Variants in XRCC4 observed in about 807,000 individuals in gnomAD.
The protein encoded by XRCC4 is DNA repair protein XRCC4.
Under a neutral mutation model 39.1 loss-of-function variants are expected in XRCC4, and 28 were observed. The ratio of observed to expected loss-of-function variants is 0.72; its 90% confidence interval spans 0.53 to 0.98. The LOEUF is 0.98. Ranked by LOEUF, XRCC4 falls within the 50% of genes least tolerant of loss-of-function variation. The pLI is 0.00. For missense variants in XRCC4, 350 were observed against 376.4 expected (o/e 0.93, Z 0.58); for synonymous variants, 123 against 126.4 (o/e 0.97, Z 0.18).
chr5:83,270,085 G>A (rs1754087250), intron 7 of XRCC4, among the ~76,000 whole-genome samples: 1 of 152,174 alleles, frequency 6.6e-6, no homozygotes, highest in Non-Finnish European at 1.5e-5. Flanking sequence ...ATTCTCATAA[G>A]GAGCACACAA....
intron 3 of XRCC4, among the ~76,000 whole-genome samples, chr5:83,119,973 A>G (rs573877872): frequency 6.7e-6 from 1 of 149,834 alleles, no homozygotes; most frequent in Non-Finnish European, 1.5e-5. Context: ...CCTGGGTGAC[A>G]GAGACAGAGT....
At chr5:83,080,747 T>G (rs1744901816) in intron 1 of XRCC4, among the ~76,000 whole-genome samples, 1 of 152,158 alleles carries the variant, frequency 6.6e-6, no homozygotes, top group Non-Finnish European at 1.5e-5. Context: ...GGAATACTTA[T>G]TTTACTTAAT....
At chr5:83,352,047 C>A (rs16900353) in intron 7 of XRCC4, among the ~76,000 whole-genome samples, 5,344 of 152,096 alleles carry the variant, frequency 0.035, 169 homozygotes, top group East Asian at 0.14. Context: ...ATCTTTAGAC[C>A]ACCTCTAGAC....
At chr5:83,271,836 T>C (rs1406360848) in intron 7 of XRCC4, among the ~76,000 whole-genome samples, 4 of 152,178 alleles carry the variant, frequency 2.6e-5, no homozygotes, top group African/African-American at 9.7e-5. Flanking sequence ...ATATCTCCTT[T>C]CCCTAGCTGT....
intron 3 of XRCC4, among the ~76,000 whole-genome samples, chr5:83,115,846 T>C (rs1458238126): frequency 2.0e-5 from 3 of 152,236 alleles, no homozygotes; most frequent in Non-Finnish European, 4.4e-5. Context: ...TATTCATTTA[T>C]TTATTTGTTT....
intron 3 of XRCC4, among the ~76,000 whole-genome samples, chr5:83,141,764 T>C (rs920747269): frequency 5.3e-5 from 8 of 152,126 alleles, no homozygotes; most frequent in Non-Finnish European, 1.2e-4. Context: ...ATGTATTCAT[T>C]GTGCTTCTTT....
chr5:83,204,436 C>T (rs28360152), intron 5 of XRCC4, among the ~76,000 whole-genome samples: 3,711 of 152,064 alleles, frequency 0.024, 147 homozygotes, highest in African/African-American at 0.084. Context: ...TAAAGATACC[C>T]ATCTTAGGGT....
intron 6 of XRCC4, among the ~76,000 whole-genome samples, chr5:83,205,137 C>T (rs1751369819): frequency 6.6e-6 from 1 of 152,114 alleles, no homozygotes; most frequent in Non-Finnish European, 1.5e-5. Flanking sequence ...AGCAAGCATT[C>T]ATACACATAT....
chr5:83,192,024 G>C (rs1750718596), intron 3 of XRCC4, among the ~76,000 whole-genome samples: 1 of 151,918 alleles, frequency 6.6e-6, no homozygotes, highest in Non-Finnish European at 1.5e-5. Context: ...CAAACCCCTG[G>C]CTAAAGAAAA....
intron 1 of XRCC4, among the ~76,000 whole-genome samples, chr5:83,080,430 G>T (rs541636935): frequency 6.6e-6 from 1 of 152,072 alleles, no homozygotes; most frequent in African/African-American, 2.4e-5. Context: ...GGAGGCTGAG[G>T]CAGGAGAATC....
intron 3 of XRCC4, among the ~76,000 whole-genome samples, chr5:83,148,243 A>G (rs1005551126): frequency 9.9e-5 from 15 of 152,234 alleles, no homozygotes; most frequent in Non-Finnish European, 1.5e-4. Context: ...TGTATCTGAT[A>G]CACAGTAGGT....
intron 7 of XRCC4, among the ~76,000 whole-genome samples, chr5:83,260,723 CAATT>C (rs1022720758): frequency 2.0e-5 from 3 of 151,992 alleles, no homozygotes; most frequent in Non-Finnish European, 4.4e-5. Context: ...AACATACAGA[CAATT>C]AATATTATGT....
chr5:83,167,840 T>C (rs1417890361), intron 3 of XRCC4, among the ~76,000 whole-genome samples: 3 of 152,150 alleles, frequency 2.0e-5, no homozygotes, highest in Non-Finnish European at 4.4e-5. Context: ...AAGTTCATAA[T>C]AAAAAGCTCC....
At chr5:83,273,003 C>G (rs981659530) in intron 7 of XRCC4, among the ~76,000 whole-genome samples, 1 of 152,186 alleles carries the variant, frequency 6.6e-6, no homozygotes, top group Non-Finnish European at 1.5e-5. Flanking sequence ...AATCACCACA[C>G]TGTCTTCCAC....
chr5:83,356,747 G>C (rs1283941735), downstream of XRCC4: 1 of 453,264 alleles, frequency 2.2e-6, no homozygotes, highest in African/African-American at 2.0e-5. Context: ...CATTGTTGCA[G>C]AATGCTGAAA....
At chr5:83,173,029 C>T (rs779141894) in intron 3 of XRCC4, among the ~76,000 whole-genome samples, 21 of 151,974 alleles carry the variant, frequency 1.4e-4, no homozygotes, top group Admixed American at 1.3e-4. Flanking sequence ...AGATATTGTT[C>T]CAGGATTTCT....
At chr5:83,276,638 T>A (rs1754345592) in intron 7 of XRCC4, among the ~76,000 whole-genome samples, 1 of 152,162 alleles carries the variant, frequency 6.6e-6, no homozygotes, top group Admixed American at 6.6e-5. Context: ...CCCCTCAACC[T>A]TAGACTTCCC....
intron 7 of XRCC4, among the ~76,000 whole-genome samples, chr5:83,348,602 G>T (rs886399942): frequency 1.3e-5 from 2 of 152,172 alleles, no homozygotes; most frequent in Non-Finnish European, 2.9e-5. Flanking sequence ...TGCCCTCCTA[G>T]GCCTCCTGGC....
At chr5:83,180,612 G>A (rs193109035) in intron 3 of XRCC4, among the ~76,000 whole-genome samples, 86 of 152,212 alleles carry the variant, frequency 5.7e-4, no homozygotes, top group Non-Finnish European at 9.6e-4. Flanking sequence ...CTACCGAATA[G>A]CATTTTTTTA....
Sources: gnomAD v4.1 joint callset for allele counts (sites outside exome capture counted in the v4.1 genomes callset) on GRCh38, gnomAD v4.1.1 for gene constraint, MANE v1.5 for transcripts, NCBI Gene and HGNC (gene_info 2026-07-23, HGNC 2026-07-21) for gene names.